The following TRMT9B variants were observed in gnomAD, a reference collection of about 807,000 sequenced individuals.
TRMT9B encodes tRNA methyltransferase 9B (putative).
A neutral mutation model predicts 11.5 loss-of-function variants in TRMT9B; 16 were observed. That is an observed-to-expected ratio of 1.39 (90% CI 0.94 to 2.11). The LOEUF is 2.11. Among genes scored for constraint, TRMT9B ranks in the 30% most tolerant of loss-of-function variants. The pLI is 0.00. For missense variants in TRMT9B, 941 were observed against 553.8 expected (o/e 1.70, Z -7.02); for synonymous variants, 274 against 192.4 (o/e 1.42, Z -3.51).
At chr8:13,002,769 CAT>C (rs1386321056) in intron 2 of TRMT9B, among the ~76,000 whole-genome samples, 3 of 152,122 alleles carry the variant, frequency 2.0e-5, no homozygotes, top group Non-Finnish European at 2.9e-5. Flanking sequence ...ACAATATTTG[CAT>C]AGTCTCAAAG....
At chr8:12,993,233 C>T (rs12677129) in intron 2 of TRMT9B, among the ~76,000 whole-genome samples, 36,273 of 151,982 alleles carry the variant, frequency 0.24, 5,313 homozygotes, top group East Asian at 0.59. Context: ...AGCAGAGGTC[C>T]CCTGAAGGGC....
rs1814488253 is a variant in TRMT9B at position 13,024,757 on chromosome 8, A to C, written c.*2713A>C. 1 of 167,066 alleles carries C rather than the reference A, an allele frequency of 6.0e-6. No individual in the cohort carries two copies. Among genetic ancestry groups the C allele is most frequent in the African/African-American group, 2.4e-5 (1 of 41,470 alleles). The allele number at this position is 167,066 out of a possible 1,614,324, so 10.3% of individuals were successfully genotyped here. On this transcript the variant is annotated 3_prime_UTR_variant, in exon 5 of 5. Coordinates refer to ENST00000524591, the MANE Select transcript of TRMT9B (RefSeq NM_020844.3). The stretch of plus-strand genomic sequence containing the variant: ...GGGGTGTAAATAAAGCATGCTGACT[A>C]ATAAGTCTTTTACTCTTCATCTAAT...
At position 13,026,554 on chromosome 8, in the gene TRMT9B, A is replaced by G. The variant is rs1814715395; in HGVS notation, c.*4510A>G. 6.0e-6 allele frequency: 1 copy of G among 167,114 alleles called. No individual in the cohort carries two copies. 10.4% of individuals were successfully genotyped at this position (167,114 alleles called of 1,614,324 possible). ...GCTGTTTGTTAAAAAAGAGTAATAA[A>G]GGATTTTTGTTTTTAAAAAAAGCAA... On this transcript the variant is annotated 3_prime_UTR_variant, in exon 5 of 5. Transcript: ENST00000524591.
chr8:12,994,521 C>G (rs1291222144), intron 2 of TRMT9B, among the ~76,000 whole-genome samples: 1 of 152,128 alleles, frequency 6.6e-6, no homozygotes, highest in East Asian at 1.9e-4. Flanking sequence ...CCGGAGGTGA[C>G]TTAATTTATG....
chr8:12,952,989 C>T (rs568837280), intron 1 of TRMT9B, among the ~76,000 whole-genome samples: 79 of 152,268 alleles, frequency 5.2e-4, no homozygotes, highest in Non-Finnish European at 9.4e-4. Flanking sequence ...CCGCCTGCCT[C>T]GGCCTCCCAA....
chr8:13,021,561 T>C lies in TRMT9B; in HGVS notation c.882T>C (p.Phe294=), dbSNP rs566117134. The change falls in exon 5 of 5, where the codon TTT becomes TTC. Residue 294 remains phenylalanine, a synonymous_variant. Coordinates refer to ENST00000524591, the MANE Select transcript of TRMT9B (RefSeq NM_020844.3). ...CTTCCAGACACTCTAGTTTAGACTT[T>C]GATCACCAAGAGCCATTTTCAACAA... The part of the protein sequence containing the change: ...VQPSRHSSLD[F]DHQEPFSTKG... The C allele has an allele frequency of 6.8e-6, 11 of 1,613,938 alleles. No homozygotes were observed. In the African/African-American group the frequency reaches 9.3e-5, roughly 14 times the overall value.
In TRMT9B at chr8:13,006,356, G is replaced by C. The variant is rs1014324093; in HGVS notation, c.154G>C (p.Gly52Arg). Residue 52 changes from glycine (G) to arginine (R), a missense_variant and splice_region_variant, in exon 3 of 5, where the codon GGT (glycine) becomes CGT (arginine). Coordinates refer to ENST00000524591, the MANE Select transcript of TRMT9B (RefSeq NM_020844.3). ...QKPGSLIADI[G>R]CGTGKYLKVN... ...GCCAGGCAGCCTCATCGCTGACATA[G>C]GTAACCAGGCAGCCTCATCGCTGAC... 1.3e-6 allele frequency: 2 copies of C among 1,581,910 alleles called. No homozygotes were observed. Among genetic ancestry groups the C allele is most frequent in the Non-Finnish European group, 1.7e-6 (2 of 1,166,098 alleles).
chr8:12,965,676 G>A (rs537625196), intron 1 of TRMT9B, among the ~76,000 whole-genome samples: 1 of 151,828 alleles, frequency 6.6e-6, no homozygotes, highest in Non-Finnish European at 1.5e-5. Context: ...GGAGGAGCTT[G>A]TGGAGACAGG....
chr8:12,952,186 C>G (rs987162443), intron 1 of TRMT9B: 6 of 455,062 alleles, frequency 1.3e-5, no homozygotes, highest in Admixed American at 4.7e-5. Flanking sequence ...GTCGCCACAC[C>G]GTGCGGAAAG....
At chr8:12,987,713 T>A (rs913125366) in intron 1 of TRMT9B, among the ~76,000 whole-genome samples, 15 of 152,076 alleles carry the variant, frequency 9.9e-5, no homozygotes, top group Admixed American at 9.8e-4. Flanking sequence ...ATGCATTTAA[T>A]ACAACTAACC....
intron 2 of TRMT9B, among the ~76,000 whole-genome samples, chr8:12,995,334 A>G (rs970889005): frequency 1.3e-5 from 2 of 152,256 alleles, no homozygotes; most frequent in African/African-American, 2.4e-5. Flanking sequence ...ATATTTGATT[A>G]TATAAATCTA....
At chr8:13,003,132 A>T (rs1023958738) in intron 2 of TRMT9B, among the ~76,000 whole-genome samples, 1 of 152,210 alleles carries the variant, frequency 6.6e-6, no homozygotes, top group African/African-American at 2.4e-5. Context: ...AGACTCTGCC[A>T]GAGAAAAATA....
At chr8:12,981,278 T>G (rs1805327648) in intron 1 of TRMT9B, among the ~76,000 whole-genome samples, 1 of 152,222 alleles carries the variant, frequency 6.6e-6, no homozygotes, top group African/African-American at 2.4e-5. Context: ...AAAGTCCTCC[T>G]CTCGTTGTCA....
At chr8:13,012,154 A>T in intron 3 of TRMT9B, 1 of 985,556 alleles carries the variant, frequency 1.0e-6, no homozygotes, top group Non-Finnish European at 1.2e-6. Flanking sequence ...ATATTCAATA[A>T]ATGTTATTTT....
intron 1 of TRMT9B, among the ~76,000 whole-genome samples, chr8:12,972,595 C>T (rs1376005287): frequency 6.6e-6 from 1 of 152,160 alleles, no homozygotes; most frequent in African/African-American, 2.4e-5. Flanking sequence ...ATGGTGTCCC[C>T]TTGTCAGCAG....
rs1169509084 is a variant in TRMT9B, at chr8:13,021,002, T to C, written c.329-6T>C. On this transcript the variant is annotated splice_region_variant and splice_polypyrimidine_tract_variant and intron_variant, in intron 4 of 4. Coordinates refer to ENST00000524591, the MANE Select transcript of TRMT9B (RefSeq NM_020844.3). ...ACACACTGAGATCTAGTTTTGTCTT[T>C]TTCAGTCATACATCATTTTTCTACA... 6.6e-7 allele frequency: 1 copy of C among 1,522,142 alleles called. No homozygotes were observed. Among genetic ancestry groups the C allele is most frequent in the East Asian group, 2.3e-5 (1 of 42,610 alleles). The allele number at this position is 1,522,142 out of a possible 1,614,324, so 94.3% of individuals were successfully genotyped here. A position where few individuals can be genotyped will look rare whatever the true frequency, so the allele number is the denominator to read the frequency against.
At chr8:13,017,438 T>C (rs1418353778) in intron 4 of TRMT9B, among the ~76,000 whole-genome samples, 1 of 152,208 alleles carries the variant, frequency 6.6e-6, no homozygotes, top group African/African-American at 2.4e-5. Flanking sequence ...GTTGTGATTA[T>C]GATTTTTTAA....
chr8:12,963,420 G>A (rs1213826352), intron 1 of TRMT9B, among the ~76,000 whole-genome samples: 1 of 151,060 alleles, frequency 6.6e-6, no homozygotes, highest in Non-Finnish European at 1.5e-5. Context: ...GAGACAGAGT[G>A]AGACTTTGTC....
At chr8:12,959,516 C>CTTTTTTTTTTTTTTTTTTTTTTTTTTTT (rs61536433) in intron 1 of TRMT9B, among the ~76,000 whole-genome samples, 1 of 74,896 alleles carries the variant, frequency 1.3e-5, no homozygotes, top group Admixed American at 2.4e-4. Context: ...TTTTTCCTTC[C>CTTTTTTTTTTTTTTTTTTTTTTTTTTTT]TTTTTTTTTT....
Sources: gnomAD v4.1 joint callset for allele counts (sites outside exome capture counted in the v4.1 genomes callset) on GRCh38, gnomAD v4.1.1 for gene constraint, MANE v1.5 for transcripts, NCBI Gene and HGNC (gene_info 2026-07-23, HGNC 2026-07-21) for gene names.